Variants in XRCC4 observed in about 807,000 individuals in gnomAD.
The protein encoded by XRCC4 is X-ray repair cross complementing 4, also known as DNA repair protein XRCC4.
XRCC4 carries 28 observed loss-of-function variants against 39.1 expected under a neutral mutation model. That is an observed-to-expected ratio of 0.72 (90% CI 0.53 to 0.98). XRCC4 has a LOEUF of 0.98. Ranked by LOEUF, XRCC4 falls within the 50% of genes least tolerant of loss-of-function variation. The pLI is 0.00. For synonymous variants in XRCC4, 123 were observed against 126.4 expected, an observed-to-expected ratio of 0.97 and a Z score of 0.18; for missense variants, 350 against 376.4, an observed-to-expected ratio of 0.93 and a Z score of 0.58.
chr5:83,193,708 CTT>C (rs775893175), intron 3 of XRCC4, among the ~76,000 whole-genome samples: 94 of 152,248 alleles, frequency 6.2e-4, no homozygotes, highest in African/African-American at 2.1e-3. Context: ...CATTTTGAAA[CTT>C]TTCAAATGTT....
At chr5:83,228,014 C>CTCTG (rs555779054) in intron 6 of XRCC4, among the ~76,000 whole-genome samples, 158 of 152,042 alleles carry the variant, frequency 1.0e-3, no homozygotes, top group South Asian at 1.9e-3. Context: ...GAGGAATGTC[C>CTCTG]TCTGGCTAGA....
At position 83,296,695 on chromosome 5, in the gene XRCC4, A is replaced by G. The variant is rs1243453106; in HGVS notation, c.893+38018A>G. ...AACAATTAAAGAAGAGCAATAAATT[A>G]AAAATTTGGCCCTCTGGAAAGATTA... On this transcript the variant is annotated intron_variant, in intron 7 of 7. Coordinates refer to ENST00000396027, the MANE Select transcript of XRCC4 (RefSeq NM_003401.5). 3.3e-5 allele frequency among the ~76,000 whole-genome samples: 5 copies of G among 152,156 alleles called. No individual in the cohort carries two copies. The East Asian group carries it at 9.6e-4, about 29-fold the overall frequency.
At position 83,258,647 on chromosome 5, in the gene XRCC4, C is replaced by A. The variant is rs1362589754; in HGVS notation, c.863C>A (p.Pro288His). ...RNLGTEPKMA[P>H]QENQLQEKEK... ...CTTGGGACAGAACCTAAAATGGCTCCTCAGGAGAATCAGCTTCAAGAAAAG... is the reference window on the plus strand; with the variant it reads ...CTTGGGACAGAACCTAAAATGGCTCATCAGGAGAATCAGCTTCAAGAAAAG... Residue 288 changes from proline (P) to histidine (H), a missense_variant, in exon 7 of 8, where the codon CCT becomes CAT. Coordinates refer to ENST00000396027, the MANE Select transcript of XRCC4 (RefSeq NM_003401.5). 1 of 1,611,094 alleles carries A rather than the reference C, an allele frequency of 6.2e-7. No individual in the cohort carries two copies. The highest frequency in any genetic ancestry group is 8.5e-7 in the Non-Finnish European group (1 of 1,179,004).
chr5:83,144,938 C>G (rs892942549), intron 3 of XRCC4, among the ~76,000 whole-genome samples: 5 of 152,228 alleles, frequency 3.3e-5, no homozygotes, highest in African/African-American at 1.2e-4. Context: ...CTCTGTTGCC[C>G]AGGCTGGAGT....
intron 7 of XRCC4, among the ~76,000 whole-genome samples, chr5:83,323,144 C>T (rs1366493810): frequency 6.6e-6 from 1 of 151,812 alleles, no homozygotes; most frequent in Non-Finnish European, 1.5e-5. Context: ...ATAGTGTTTT[C>T]CAAGCAGGGA....
chr5:83,129,476 T>C (rs1747450821), intron 3 of XRCC4, among the ~76,000 whole-genome samples: 1 of 152,108 alleles, frequency 6.6e-6, no homozygotes, highest in Non-Finnish European at 1.5e-5. Context: ...TTTGGTTCCA[T>C]ATGAACTTTA....
intron 7 of XRCC4, among the ~76,000 whole-genome samples, chr5:83,350,689 A>T (rs1757054255): frequency 6.6e-6 from 1 of 151,998 alleles, no homozygotes; most frequent in South Asian, 2.1e-4. Flanking sequence ...GCATATTTTG[A>T]GGATATTTTC....
At chr5:83,284,844 G>A (rs1455363828) in intron 7 of XRCC4, among the ~76,000 whole-genome samples, 1 of 151,934 alleles carries the variant, frequency 6.6e-6, no homozygotes, top group Non-Finnish European at 1.5e-5. Context: ...TATACTATTA[G>A]AATAGCACTA....
At chr5:83,235,049 GT>G (rs1200648097) in intron 6 of XRCC4, among the ~76,000 whole-genome samples, 2 of 151,494 alleles carry the variant, frequency 1.3e-5, no homozygotes, top group Admixed American at 6.6e-5. Context: ...AAGTAACACT[GT>G]TGGCTGGGCA....
intron 3 of XRCC4, among the ~76,000 whole-genome samples, chr5:83,179,472 G>A (rs1750112744): frequency 6.6e-6 from 1 of 152,168 alleles, no homozygotes; most frequent in African/African-American, 2.4e-5. Context: ...AATCCAGTGG[G>A]ATTAAGTAGA....
intron 6 of XRCC4, among the ~76,000 whole-genome samples, chr5:83,231,851 C>G (rs1244687845): frequency 1.3e-5 from 2 of 152,058 alleles, no homozygotes; most frequent in Non-Finnish European, 2.9e-5. Flanking sequence ...CTCACTGATT[C>G]ATTGACTGTG....
At chr5:83,291,826 G>A (rs1445562047) in intron 7 of XRCC4, among the ~76,000 whole-genome samples, 1 of 151,814 alleles carries the variant, frequency 6.6e-6, no homozygotes, top group African/African-American at 2.4e-5. Flanking sequence ...GGATTCTGAG[G>A]CACTGCTCAG....
intron 3 of XRCC4, among the ~76,000 whole-genome samples, chr5:83,149,966 A>C (rs1268238214): frequency 6.6e-6 from 1 of 152,132 alleles, no homozygotes; most frequent in East Asian, 1.9e-4. Flanking sequence ...GATTACTTAG[A>C]AGAGAATTTT....
intron 3 of XRCC4, among the ~76,000 whole-genome samples, chr5:83,182,011 T>C (rs1045449810): frequency 1.3e-5 from 2 of 152,154 alleles, no homozygotes; most frequent in Non-Finnish European, 2.9e-5. Context: ...GCAATGCTGA[T>C]AGATATATGT....
chr5:83,176,911 C>T (rs2112637172), intron 3 of XRCC4, among the ~76,000 whole-genome samples: 1 of 152,262 alleles, frequency 6.6e-6, no homozygotes, highest in South Asian at 2.1e-4. Context: ...CATCAGCCAC[C>T]ACACCCAGCT....
At chr5:83,268,134 G>C (rs1754020346) in intron 7 of XRCC4, among the ~76,000 whole-genome samples, 1 of 152,158 alleles carries the variant, frequency 6.6e-6, no homozygotes, top group Admixed American at 6.5e-5. Flanking sequence ...AGAGTTACCT[G>C]AAGAATAGTG....
At chr5:83,285,177 T>C (rs1156669608) in intron 7 of XRCC4, among the ~76,000 whole-genome samples, 2 of 152,148 alleles carry the variant, frequency 1.3e-5, no homozygotes, top group Non-Finnish European at 2.9e-5. Flanking sequence ...TGTACATATG[T>C]TCTAAAGCAA....
At chr5:83,245,819 C>CCCA (rs1261297555) in intron 6 of XRCC4, among the ~76,000 whole-genome samples, 2 of 131,798 alleles carry the variant, frequency 1.5e-5, no homozygotes, top group Admixed American at 8.0e-5. Context: ...TTCTCTTTCC[C>CCCA]CCACTTTTCT....
chr5:83,205,250 C>G (rs561794625), intron 6 of XRCC4, among the ~76,000 whole-genome samples: 1 of 152,036 alleles, frequency 6.6e-6, no homozygotes, highest in Non-Finnish European at 1.5e-5. Context: ...AGCTGGTTGC[C>G]TTTAACATTT....
Sources: gnomAD v4.1 joint callset for allele counts (sites outside exome capture counted in the v4.1 genomes callset) on GRCh38, gnomAD v4.1.1 for gene constraint, MANE v1.5 for transcripts, NCBI Gene and HGNC (gene_info 2026-07-23, HGNC 2026-07-21) for gene names.